Variants in SLC2A13 observed in about 807,000 individuals in gnomAD.
SLC2A13 encodes the protein solute carrier family 2 member 13, also known as proton myo-inositol cotransporter.
SLC2A13 carries 32 observed loss-of-function variants against 64.4 expected under a neutral mutation model. The observed-to-expected ratio is 0.50, with a 90% confidence interval of 0.37 to 0.67. SLC2A13 has a LOEUF of 0.67. SLC2A13 is among the 30% of genes least tolerant of loss of function. SLC2A13 has a pLI of 0.00. For missense variants in SLC2A13, 743 were observed against 829.2 expected (o/e 0.90, Z 1.28); for synonymous variants, 338 against 327.1 (o/e 1.03, Z -0.36).
intron 5 of SLC2A13, among the ~76,000 whole-genome samples, chr12:39,868,403 C>T (rs1943960608): frequency 6.6e-6 from 1 of 152,078 alleles, no homozygotes; most frequent in African/African-American, 2.4e-5. Flanking sequence ...CTCAAAAAAA[C>T]AAAATAATTT....
intron 1 of SLC2A13, among the ~76,000 whole-genome samples, chr12:40,070,664 TC>T (rs1937918766): frequency 6.6e-6 from 1 of 152,160 alleles, no homozygotes; most frequent in South Asian, 2.1e-4. Flanking sequence ...TCCAACAAGA[TC>T]CTTTTTGAAC....
chr12:39,784,407 C>T (rs146768226), intron 7 of SLC2A13, among the ~76,000 whole-genome samples: 1,631 of 152,230 alleles, frequency 0.011, 25 homozygotes, highest in African/African-American at 0.036. Context: ...ACAGAGCCCG[C>T]AGAAATAATG....
intron 3 of SLC2A13, among the ~76,000 whole-genome samples, chr12:40,020,623 T>C (rs1411655574): frequency 6.6e-6 from 1 of 152,194 alleles, no homozygotes; most frequent in African/African-American, 2.4e-5. Flanking sequence ...TGGAATTGTC[T>C]TGTTAAACTA....
intron 1 of SLC2A13, among the ~76,000 whole-genome samples, chr12:40,085,680 G>A (rs1004221221): frequency 2.0e-5 from 3 of 152,168 alleles, no homozygotes; most frequent in Admixed American, 2.0e-4. Context: ...GATCATGACA[G>A]TACTCCTTTT....
At chr12:39,847,037 A>G (rs1479816047) in intron 6 of SLC2A13, among the ~76,000 whole-genome samples, 2 of 152,204 alleles carry the variant, frequency 1.3e-5, no homozygotes, top group East Asian at 3.9e-4. Flanking sequence ...AGAGATATTA[A>G]TGATTCCTTT....
At chr12:39,980,117 A>C (rs1300844803) in intron 3 of SLC2A13, among the ~76,000 whole-genome samples, 1 of 151,894 alleles carries the variant, frequency 6.6e-6, no homozygotes, top group African/African-American at 2.4e-5. Flanking sequence ...ATAGACAAGC[A>C]AATGCTGAGA....
intron 3 of SLC2A13, among the ~76,000 whole-genome samples, chr12:39,956,777 C>A (rs1320808968): frequency 6.6e-6 from 1 of 151,934 alleles, no homozygotes; most frequent in African/African-American, 2.4e-5. Flanking sequence ...ATGAGTTTTA[C>A]CTTGTATTAA....
At chr12:40,026,542 G>A (rs1947810694) in intron 3 of SLC2A13, among the ~76,000 whole-genome samples, 1 of 152,130 alleles carries the variant, frequency 6.6e-6, no homozygotes, top group South Asian at 2.1e-4. Flanking sequence ...TGCATGGCTA[G>A]AGTAGTCAGA....
Position 39,996,792 on chromosome 12 carries a change from C to CA in SLC2A13, c.925+31508dup, listed in dbSNP as rs34665744. On this transcript the variant is annotated intron_variant, in intron 3 of 9. Coordinates refer to ENST00000280871, the MANE Select transcript of SLC2A13 (RefSeq NM_052885.4). ...GGGGTTTGGCCTTTTACAATAGCTG[C>CA]AAAAAAATTAAAATACTTAGGAATA... 9.4e-3 allele frequency among the ~76,000 whole-genome samples: 1,433 copies of CA among 152,086 alleles called. 16 individuals are homozygous for CA. Among genetic ancestry groups the CA allele is most frequent in the African/African-American group, 0.032 (1,343 of 41,508 alleles).
chr12:39,874,725 T>C (rs1467277813), intron 4 of SLC2A13, among the ~76,000 whole-genome samples: 1 of 152,082 alleles, frequency 6.6e-6, no homozygotes, highest in Non-Finnish European at 1.5e-5. Context: ...TGTTTGGACT[T>C]TGTATTGTAG....
chr12:40,080,374 T>C (rs1938348357), intron 1 of SLC2A13, among the ~76,000 whole-genome samples: 1 of 152,122 alleles, frequency 6.6e-6, no homozygotes, highest in African/African-American at 2.4e-5. Context: ...AGTGGGCATT[T>C]ATCCTGTTTA....
chr12:39,789,405 G>C (rs900761054), intron 7 of SLC2A13, among the ~76,000 whole-genome samples: 6 of 152,074 alleles, frequency 3.9e-5, no homozygotes, highest in Non-Finnish European at 7.4e-5. Context: ...AGTGCATCAT[G>C]ATATACACTT....
chr12:39,790,760 GTATTTC>G (rs1161630438), intron 7 of SLC2A13, among the ~76,000 whole-genome samples: 2 of 76,402 alleles, frequency 2.6e-5, no homozygotes, highest in East Asian at 7.0e-4. Context: ...GGGTCAAATG[GTATTTC>G]TAGTTCTAGA....
At chr12:39,969,416 A>C (rs1473409763) in intron 3 of SLC2A13, among the ~76,000 whole-genome samples, 1 of 152,218 alleles carries the variant, frequency 6.6e-6, no homozygotes, top group Non-Finnish European at 1.5e-5. Flanking sequence ...GGTCCCACCA[A>C]CAGTGTAAAA....
At chr12:40,098,297 T>C (rs992384876) in intron 1 of SLC2A13, among the ~76,000 whole-genome samples, 2 of 152,080 alleles carry the variant, frequency 1.3e-5, no homozygotes, top group African/African-American at 2.4e-5. Flanking sequence ...GTAAAAATCA[T>C]AGAAACAGAA....
intron 7 of SLC2A13, among the ~76,000 whole-genome samples, chr12:39,809,108 T>C (rs1011386305): frequency 1.3e-5 from 2 of 152,166 alleles, no homozygotes; most frequent in African/African-American, 4.8e-5. Context: ...TTGAGGTCCA[T>C]TCCCTCCACC....
At chr12:40,050,130 C>T (rs764846255) in intron 1 of SLC2A13, among the ~76,000 whole-genome samples, 9 of 152,178 alleles carry the variant, frequency 5.9e-5, no homozygotes, top group Non-Finnish European at 1.0e-4. Context: ...AATGTTGACA[C>T]GGGATTTGTA....
rs542161045 is a variant in SLC2A13 at position 39,896,283 on chromosome 12, T to C, written c.1035-24322A>G. On this transcript the variant is annotated intron_variant, in intron 4 of 9. Coordinates refer to ENST00000280871, the MANE Select transcript of SLC2A13 (RefSeq NM_052885.4). ...ATATGTGTGTATATATGTATACATG[T>C]ATGTATATGTGTGTATATATGTATA... is the stretch of plus-strand genomic sequence containing the variant. Among the ~76,000 whole-genome samples the C allele has an allele frequency of 2.7e-4, 35 of 129,090 alleles. 1 individual carries two copies. The South Asian group carries it at 6.9e-3, about 25-fold the overall frequency. 84.7% of individuals were successfully genotyped at this position (129,090 alleles called of 152,430 possible). A position where few individuals can be genotyped will look rare whatever the true frequency, so the allele number is the denominator to read the frequency against.
intron 3 of SLC2A13, among the ~76,000 whole-genome samples, chr12:40,016,375 G>C (rs1280056726): frequency 6.6e-6 from 1 of 152,182 alleles, no homozygotes; most frequent in African/African-American, 2.4e-5. Context: ...ATTTTTCACA[G>C]AACATTTTTG....
Sources: allele counts gnomAD v4.1 joint callset (sites outside exome capture counted in the v4.1 genomes callset), GRCh38; gene constraint gnomAD v4.1.1; transcripts MANE v1.5; gene names NCBI Gene and HGNC (gene_info 2026-07-23, HGNC 2026-07-21).